DNAJC21: variants seen among roughly 807,000 people sequenced by gnomAD.
DNAJC21 encodes dnaJ homolog subfamily C member 21.
A neutral mutation model predicts 72.4 loss-of-function variants in DNAJC21; 63 were observed. The observed-to-expected ratio is 0.87, with a 90% CI of 0.71 to 1.07. DNAJC21 has a LOEUF of 1.07. Ranked by LOEUF, DNAJC21 falls within the 50% of genes least tolerant of loss-of-function variation. The pLI is 0.00. For synonymous variants in DNAJC21, 203 were observed against 216.7 expected (o/e 0.94, Z 0.56); for missense variants, 634 against 644.8 (o/e 0.98, Z 0.18).
intron 4 of DNAJC21, 37 bp from the exon 5 acceptor site, chr5:34,937,289 T>G: frequency 6.4e-7 from 1 of 1,555,648 alleles, no homozygotes; most frequent in African/African-American, 1.4e-5. Flanking sequence ...AAAAAAATCT[T>G]AAAGCGCAGA....
At chr5:34,952,128 T>TGC (rs1324723374) in intron 10 of DNAJC21, 1 of 907,886 alleles carries the variant, frequency 1.1e-6, no homozygotes, top group Admixed American at 6.4e-5. Flanking sequence ...AAAAAATGTG[T>TGC]GTGTGTGTGT....
chr5:34,945,112 C>CT, intron 8 of DNAJC21, 87 bp downstream of exon 8: 1 of 1,497,534 alleles, frequency 6.7e-7, no homozygotes, highest in Non-Finnish European at 9.1e-7. Flanking sequence ...GAGAATCACT[C>CT]TGTTGCCCAG....
rs145433409 is a variant in DNAJC21, at chr5:34,949,021, C to T, written c.1186-1149C>T. 3.6e-4 allele frequency among the ~76,000 whole-genome samples: 55 copies of T among 152,198 alleles called. No individual in the cohort carries two copies. The East Asian group carries it at 0.01, about 29-fold the overall frequency. On this transcript the variant is annotated intron_variant, in intron 9 of 11. Transcript: ENST00000648817. Reference sequence around the variant, plus strand: ...TTCAGGCAAGAATCATTAATAGATGCCAAGTATATTCGGTAAATGGTCATG... The same window carrying T: ...TTCAGGCAAGAATCATTAATAGATGTCAAGTATATTCGGTAAATGGTCATG...
chr5:34,940,062 G>A lies in DNAJC21; in HGVS notation c.896-1034G>A, dbSNP rs960812265. Among the ~76,000 whole-genome samples, 18 of 152,174 alleles carry A rather than the reference G, an allele frequency of 1.2e-4. No homozygotes were observed. In the South Asian group the frequency reaches 2.3e-3, roughly 19 times the overall value. ...TTTACAATTTATAAAGTCCTTTCAC[G>A]TACAAGCTCTCACTGGATCGTCACA... On this transcript the variant is annotated intron_variant, in intron 6 of 11. Coordinates refer to ENST00000648817, the MANE Select transcript of DNAJC21 (RefSeq NM_001012339.3).
intron 9 of DNAJC21, among the ~76,000 whole-genome samples, 200 bp downstream of exon 9, chr5:34,946,003 A>G (rs1765166530): frequency 6.6e-6 from 1 of 152,148 alleles, no homozygotes; most frequent in African/African-American, 2.4e-5. Flanking sequence ...TAACAAACTT[A>G]ATTATGACTG....
chr5:34,929,770 G>GCCCCGA lies in DNAJC21; in HGVS notation c.-44_-39dup, dbSNP rs1764514035. 3.8e-6 allele frequency: 4 copies of GCCCCGA among 1,052,110 alleles called. No individual in the cohort carries two copies. The highest frequency in any genetic ancestry group is 1.4e-4 in the East Asian group (2 of 13,940). 65.2% of individuals were successfully genotyped at this position (1,052,110 alleles called of 1,614,324 possible). A position where few individuals can be genotyped will look rare whatever the true frequency, so the allele number is the denominator to read the frequency against. ...CGCCGCCGCTTCGGCCCGGGCCCGG[G>GCCCCGA]CCCCGACCCCGTCCCGGGCCCCAGC... On this transcript the variant is annotated 5_prime_UTR_variant, in exon 1 of 12. Coordinates refer to ENST00000648817, the MANE Select transcript of DNAJC21 (RefSeq NM_001012339.3).
rs1250091981 is a variant in DNAJC21 at position 34,954,583 on chromosome 5, A to G, written c.1465A>G (p.Ser489Gly). Residue 489 changes from serine to glycine, a missense_variant, in exon 12 of 12, where the codon AGT becomes GGT. Physicochemically the swap from Ser to Gly is moderately conservative, Grantham distance 56 (BLOSUM62 0). Coordinates refer to ENST00000648817, the MANE Select transcript of DNAJC21 (RefSeq NM_001012339.3). The part of the protein sequence containing the change: ...SVLISCTTCH[S>G]EFPSRNKLFD... ...TCTTATCAGCTGTACAACCTGCCAT[A>G]GTGAATTTCCATCTCGGAATAAACT... The G allele has an allele frequency of 6.2e-7, 1 of 1,612,982 alleles. No individual in the cohort carries two copies. Among genetic ancestry groups the G allele is most frequent in the Non-Finnish European group, 8.5e-7 (1 of 1,179,686 alleles).
intron 9 of DNAJC21, 31 bp downstream of exon 9, chr5:34,945,834 T>A: frequency 6.7e-7 from 1 of 1,498,494 alleles, no homozygotes. Flanking sequence ...TAACATTAAA[T>A]GCCAACGATA....
At chr5:34,943,353 C>G (rs1216738502) in intron 7 of DNAJC21, among the ~76,000 whole-genome samples, 1 of 152,086 alleles carries the variant, frequency 6.6e-6, no homozygotes, top group Non-Finnish European at 1.5e-5. Flanking sequence ...TGTGCATTTC[C>G]TCATGATTAG....
chr5:34,943,411 C>T (rs1765064497), intron 7 of DNAJC21, among the ~76,000 whole-genome samples: 1 of 152,194 alleles, frequency 6.6e-6, no homozygotes, highest in Admixed American at 6.5e-5. Flanking sequence ...GCATGTTGTG[C>T]TCTCAGGGAT....
intron 9 of DNAJC21, 47 bp downstream of exon 9, chr5:34,945,850 G>A: frequency 7.4e-7 from 1 of 1,345,188 alleles, no homozygotes; most frequent in Non-Finnish European, 1.0e-6. Flanking sequence ...CGATAAAGTT[G>A]CAGTGCTCTT....
chr5:34,934,532 A>T (rs1351764948), intron 2 of DNAJC21, among the ~76,000 whole-genome samples: 4 of 152,068 alleles, frequency 2.6e-5, no homozygotes, highest in African/African-American at 9.7e-5. Context: ...TGCTCAACCA[A>T]TACAGTGTTT....
Position 34,953,962 on chromosome 5 carries a change from G to T in DNAJC21, c.1395G>T (p.Met465Ile). The T allele has an allele frequency of 6.2e-7, 1 of 1,611,734 alleles. No individual in the cohort carries two copies. Among genetic ancestry groups the T allele is most frequent in the African/African-American group, 1.3e-5 (1 of 74,904 alleles). ...PKPKGKKTKD[M>I]KKPVRVPAEP... Reference sequence around the variant, plus strand: ...CCAAAGGAAAGAAAACCAAAGATATGAAAAAACCTGTCAGAGTACCTGCTG... The same window carrying T: ...CCAAAGGAAAGAAAACCAAAGATATTAAAAAACCTGTCAGAGTACCTGCTG... The change falls in exon 11 of 12, where the codon ATG (methionine) becomes ATT (isoleucine). Residue 465 changes from methionine to isoleucine, a missense_variant. By Grantham distance (10) the Met-to-Ile change is conservative. Transcript: ENST00000648817.
At chr5:34,930,332 G>T (rs1283188683) in intron 1 of DNAJC21, 2 of 154,840 alleles carry the variant, frequency 1.3e-5, no homozygotes, top group Non-Finnish European at 2.9e-5. Flanking sequence ...CCTCCACCTC[G>T]TCCGGGAATC....
rs1764977515 is a variant in DNAJC21, at chr5:34,941,184, G to GT, written c.983+2dup. On this transcript the variant is annotated splice_donor_variant, in intron 7 of 11. Transcript: ENST00000648817. LOFTEE classifies it high-confidence loss of function. ...ACAAATCGTTCAAGACAGAAAAGGC[G>GT]TAAGTTTATTAATTTAATTTAATTT... 2.5e-6 allele frequency: 4 copies of GT among 1,613,314 alleles called. No individual in the cohort carries two copies. Among genetic ancestry groups the GT allele is most frequent in the Non-Finnish European group, 3.4e-6 (4 of 1,179,408 alleles).
rs142766405 is a variant in DNAJC21, at chr5:34,935,755, C to G, written c.237C>G (p.Gly79=). ...CCCTACTTAAAGGTGGGTTTGATGG[C>G]GAATATCAAGATGACAGCTTAGATT... The part of the protein sequence containing the change: ...REALLKGGFD[G]EYQDDSLDLL... The change falls in exon 3 of 12, where the codon GGC becomes GGG. Residue 79 remains glycine, a synonymous_variant. Coordinates refer to ENST00000648817, the MANE Select transcript of DNAJC21 (RefSeq NM_001012339.3). 1.2e-6 allele frequency: 2 copies of G among 1,613,790 alleles called. No individual in the cohort carries two copies. The highest frequency in any genetic ancestry group is 1.7e-6 in the Non-Finnish European group (2 of 1,179,904).
At position 34,958,100 on chromosome 5, in the gene DNAJC21, TG is replaced by T. The variant is rs958037797; in HGVS notation, c.*3388del. 2 of 152,256 alleles carry T rather than the reference TG, an allele frequency of 1.3e-5. No individual in the cohort carries two copies. The highest frequency in any genetic ancestry group is 2.9e-5 in the Non-Finnish European group (2 of 68,054). The allele number at this position is 152,256 out of a possible 1,614,324, so 9.4% of individuals were successfully genotyped here. On this transcript the variant is annotated 3_prime_UTR_variant, in exon 12 of 12. Transcript: ENST00000648817. The stretch of plus-strand genomic sequence containing the variant: ...CTGCCAGTAGAACAGGGCAGATGCC[TG>T]GACTCCCAACTCAGTAGGCCTTCTG...
At position 34,950,289 on chromosome 5, in the gene DNAJC21, C is replaced by T. The variant is rs746010677; in HGVS notation, c.1305C>T (p.Val435=). Residue 435 remains valine (V), a synonymous_variant, in exon 10 of 12, where the codon GTC becomes GTT. Coordinates refer to ENST00000648817, the MANE Select transcript of DNAJC21 (RefSeq NM_001012339.3). ...KELEDSPQEN[V]SVTEIIKPCD... ...TGGAAGATAGTCCCCAGGAAAATGT[C>T]AGTGTCACAGAGATCATTAAACCAT... The T allele has an allele frequency of 6.2e-7, 1 of 1,613,734 alleles. No individual in the cohort carries two copies. The highest frequency in any genetic ancestry group is 1.1e-5 in the South Asian group (1 of 91,002).
chr5:34,944,798 A>T lies in DNAJC21; in HGVS notation c.984-69A>T, dbSNP rs1765117049. 4.4e-6 allele frequency: 7 copies of T among 1,575,702 alleles called. No individual in the cohort carries two copies. In the East Asian group the frequency reaches 1.6e-4, roughly 35 times the overall value. ...AGCTAATTTTATCTTGGTTGCAGTT[A>T]TCCAGCAACATTATCTGGACACGTG... On this transcript the variant is annotated intron_variant, in intron 7 of 11. Coordinates refer to ENST00000648817, the MANE Select transcript of DNAJC21 (RefSeq NM_001012339.3).
Sources: allele counts gnomAD v4.1 joint callset (sites outside exome capture counted in the v4.1 genomes callset), GRCh38; gene constraint gnomAD v4.1.1; transcripts MANE v1.5; gene names NCBI Gene and HGNC (gene_info 2026-07-23, HGNC 2026-07-21).